SCHIP1: variants seen among roughly 807,000 people sequenced by gnomAD.
SCHIP1 encodes the protein schwannomin-interacting protein 1.
Under a neutral mutation model 29.7 loss-of-function variants are expected in SCHIP1, and 8 were observed. That is an observed-to-expected ratio of 0.27 (90% CI 0.16 to 0.49). The LOEUF is 0.49. Ranked by LOEUF, SCHIP1 falls within the 20% of genes least tolerant of loss-of-function variation. The probability of loss-of-function intolerance (pLI) is 0.99; values close to 1 mark genes in which losing one functional copy is unlikely to be tolerated. For missense variants in SCHIP1, 193 were observed against 294.6 expected (o/e 0.66, Z 2.52); for synonymous variants, 76 against 94.9 (o/e 0.80, Z 1.16).
chr3:159,711,584 T>C, the SCHIP1 span, among the ~76,000 whole-genome samples: 186 of 152,126 alleles, frequency 1.2e-3, no homozygotes, highest in African/African-American at 4.4e-3. Flanking sequence ...GGGGTTACAA[T>C]AAGGTGTGGT....
chr3:159,850,268 A>C (rs777133805), intron 1 of SCHIP1, among the ~76,000 whole-genome samples: 7 of 152,124 alleles, frequency 4.6e-5, no homozygotes, highest in African/African-American at 1.4e-4. Flanking sequence ...ATATAGAAAT[A>C]CCTGGCCAGG....
chr3:159,674,714 C>A, the SCHIP1 span, among the ~76,000 whole-genome samples: 1 of 151,840 alleles, frequency 6.6e-6, no homozygotes, highest in Non-Finnish European at 1.5e-5. Flanking sequence ...CCACTGCTCC[C>A]TAAGTGAGAA....
At chr3:159,803,324 C>A in the SCHIP1 span, among the ~76,000 whole-genome samples, 262 of 152,250 alleles carry the variant, frequency 1.7e-3, 2 homozygotes, top group Middle Eastern at 0.014. Flanking sequence ...AAGATTACTT[C>A]CATTCCAGCC....
the SCHIP1 span, among the ~76,000 whole-genome samples, chr3:159,318,961 G>A: frequency 6.6e-6 from 1 of 152,150 alleles, no homozygotes; most frequent in East Asian, 1.9e-4. Flanking sequence ...TGCAGAAGAT[G>A]GCAGGGCCTT....
At chr3:159,536,667 G>T in the SCHIP1 span, among the ~76,000 whole-genome samples, 1 of 152,154 alleles carries the variant, frequency 6.6e-6, no homozygotes, top group East Asian at 1.9e-4. Flanking sequence ...CATCCCTCTA[G>T]AGGTATCACC....
At chr3:159,833,887 CCTTA>C in the SCHIP1 span, among the ~76,000 whole-genome samples, 4 of 152,304 alleles carry the variant, frequency 2.6e-5, no homozygotes, top group Non-Finnish European at 5.9e-5. Context: ...CCTCACAATT[CCTTA>C]TCTTGCTCAC....
the SCHIP1 span, among the ~76,000 whole-genome samples, chr3:159,392,987 T>C: frequency 2.6e-5 from 4 of 152,200 alleles, no homozygotes; most frequent in Non-Finnish European, 5.9e-5. Flanking sequence ...GTTTCCTGAC[T>C]TTTTAATGAT....
chr3:159,544,196 T>C, the SCHIP1 span, among the ~76,000 whole-genome samples: 4 of 152,166 alleles, frequency 2.6e-5, no homozygotes, highest in African/African-American at 9.6e-5. Flanking sequence ...TACGTGTGTA[T>C]GTGTATATAT....
chr3:159,612,293 T>C, the SCHIP1 span, among the ~76,000 whole-genome samples: 1 of 152,082 alleles, frequency 6.6e-6, no homozygotes, highest in Non-Finnish European at 1.5e-5. Context: ...ATAATTTTAG[T>C]AAAATAAAAA....
At chr3:159,440,541 G>T in the SCHIP1 span, among the ~76,000 whole-genome samples, 1 of 152,222 alleles carries the variant, frequency 6.6e-6, no homozygotes, top group Non-Finnish European at 1.5e-5. Context: ...AACTTGCCTT[G>T]TTCTGTTTGG....
chr3:159,589,038 T>C, the SCHIP1 span, among the ~76,000 whole-genome samples: 1 of 152,242 alleles, frequency 6.6e-6, no homozygotes, highest in African/African-American at 2.4e-5. Context: ...GTACTGAATC[T>C]ATAAATTACC....
the SCHIP1 span, among the ~76,000 whole-genome samples, chr3:159,465,219 A>C: frequency 6.6e-5 from 10 of 152,222 alleles, no homozygotes; most frequent in Non-Finnish European, 1.5e-4. Context: ...TATCAAACTG[A>C]AAATCTGAAC....
the SCHIP1 span, among the ~76,000 whole-genome samples, chr3:159,308,659 T>C: frequency 6.6e-6 from 1 of 152,180 alleles, no homozygotes; most frequent in Non-Finnish European, 1.5e-5. Context: ...ATCCCATCAC[T>C]GGGTATATAC....
the SCHIP1 span, among the ~76,000 whole-genome samples, chr3:159,425,494 A>T: frequency 6.6e-6 from 1 of 152,166 alleles, no homozygotes; most frequent in Non-Finnish European, 1.5e-5. Flanking sequence ...AGAGCTAACT[A>T]TCCTAAATAT....
chr3:159,488,703 C>G, the SCHIP1 span, among the ~76,000 whole-genome samples: 2 of 152,048 alleles, frequency 1.3e-5, no homozygotes, highest in Non-Finnish European at 2.9e-5. Flanking sequence ...GTGCATTTGG[C>G]AAAAGTTATG....
intron 2 of SCHIP1, among the ~76,000 whole-genome samples, chr3:159,877,299 G>A (rs576810746): frequency 2.6e-5 from 4 of 152,280 alleles, no homozygotes; most frequent in Admixed American, 1.3e-4. Flanking sequence ...GCAGTGAGCC[G>A]AGATCACCCC....
chr3:159,549,418 A>T, the SCHIP1 span, among the ~76,000 whole-genome samples: 2 of 152,212 alleles, frequency 1.3e-5, no homozygotes, highest in South Asian at 4.1e-4. Context: ...TTAATTGGAG[A>T]TGGGACCTCT....
the SCHIP1 span, among the ~76,000 whole-genome samples, chr3:159,756,499 G>C: frequency 1.3e-5 from 2 of 152,124 alleles, no homozygotes; most frequent in Non-Finnish European, 2.9e-5. Context: ...TTACCCCCTA[G>C]GCTTGCAGGT....
chr3:159,342,708 G>T, the SCHIP1 span, among the ~76,000 whole-genome samples: 5 of 152,172 alleles, frequency 3.3e-5, no homozygotes, highest in African/African-American at 1.2e-4. Flanking sequence ...TTATTTGCAA[G>T]TAAATTTTGG....
Sources: gnomAD v4.1 joint callset for allele counts (sites outside exome capture counted in the v4.1 genomes callset) on GRCh38, gnomAD v4.1.1 for gene constraint, MANE v1.5 for transcripts, NCBI Gene and HGNC (gene_info 2026-07-23, HGNC 2026-07-21) for gene names.